Variants in KIF26B observed in about 807,000 individuals in gnomAD.
The protein encoded by KIF26B is kinesin family member 26B.
Under a neutral mutation model 151.2 loss-of-function variants are expected in KIF26B, and 63 were observed. The ratio of observed to expected loss-of-function variants is 0.42; its 90% CI spans 0.34 to 0.51. KIF26B has a LOEUF of 0.51. KIF26B is among the 20% of genes least tolerant of loss of function. The pLI is 0.07. For synonymous variants in KIF26B, 1,357 were observed against 1,262.1 expected (o/e 1.08, Z -1.59); for missense variants, 2,813 against 2,913.6 (o/e 0.97, Z 0.79).
chr1:245,333,383 A>C (rs1672152095), intron 2 of KIF26B, among the ~76,000 whole-genome samples: 1 of 152,234 alleles, frequency 6.6e-6, no homozygotes, highest in African/African-American at 2.4e-5. Flanking sequence ...TAGGTGAGGC[A>C]CCTAGAGCAG....
intron 10 of KIF26B, among the ~76,000 whole-genome samples, chr1:245,681,812 C>CGTTTCTT (rs2044443257): frequency 1.3e-5 from 2 of 152,154 alleles, no homozygotes; most frequent in African/African-American, 4.8e-5. Context: ...TAAAGAAATA[C>CGTTTCTT]CAAATATAAT....
At chr1:245,258,649 A>G (rs1670582592) in intron 2 of KIF26B, among the ~76,000 whole-genome samples, 1 of 152,120 alleles carries the variant, frequency 6.6e-6, no homozygotes, top group African/African-American at 2.4e-5. Context: ...GTCTCATTCC[A>G]AGAGCCTTCT....
chr1:245,326,514 G>A (rs937588217), intron 2 of KIF26B, among the ~76,000 whole-genome samples: 8 of 152,184 alleles, frequency 5.3e-5, no homozygotes, highest in Non-Finnish European at 8.8e-5. Context: ...CCAGGCAAAG[G>A]TTCCGGACCA....
intron 2 of KIF26B, among the ~76,000 whole-genome samples, chr1:245,164,498 T>C (rs1181306436): frequency 1.3e-5 from 2 of 152,232 alleles, no homozygotes; most frequent in African/African-American, 4.8e-5. Context: ...CACAGTCTAG[T>C]GTCAGAGACA....
intron 2 of KIF26B, among the ~76,000 whole-genome samples, chr1:245,332,358 A>T (rs570678297): frequency 6.6e-6 from 1 of 152,308 alleles, no homozygotes; most frequent in South Asian, 2.1e-4. Context: ...AGAGGTGGGT[A>T]TAGCATTTCA....
chr1:245,159,430 C>A (rs1668499368), intron 2 of KIF26B, among the ~76,000 whole-genome samples: 1 of 152,116 alleles, frequency 6.6e-6, no homozygotes, highest in African/African-American at 2.4e-5. Context: ...TACTTTTTAA[C>A]TTTCCTATTA....
chr1:245,233,605 T>C (rs1261839290), intron 2 of KIF26B, among the ~76,000 whole-genome samples: 1 of 152,118 alleles, frequency 6.6e-6, no homozygotes, highest in Non-Finnish European at 1.5e-5. Flanking sequence ...TAGAACAAGA[T>C]TGATTTGCCA....
chr1:245,685,671 G>A lies in KIF26B; in HGVS notation c.2688G>A (p.Leu896=), dbSNP rs2044502796. The stretch of plus-strand genomic sequence containing the variant: ...ACTTTGTCCCTATCGTGCCAGCCCT[G>A]CAGAAGACCCGGGGCGACAGCCGGC... The part of the protein sequence containing the change: ...PPDFVPIVPA[L]QKTRGDSRPA... Residue 896 remains leucine (L), a synonymous_variant, in exon 12 of 15, where the codon CTG becomes CTA. Coordinates refer to ENST00000407071, the MANE Select transcript of KIF26B (RefSeq NM_018012.4). 2 of 1,613,010 alleles carry A rather than the reference G, an allele frequency of 1.2e-6. No individual in the cohort carries two copies. Among genetic ancestry groups the A allele is most frequent in the Non-Finnish European group, 1.7e-6 (2 of 1,179,816 alleles).
Position 245,462,647 on chromosome 1 carries a change from A to C in KIF26B, c.1166+42902A>C, listed in dbSNP as rs375415566. On this transcript the variant is annotated intron_variant, in intron 4 of 14. Transcript: ENST00000407071. ...AGCCACCCTGTATCAGGTACTCCCA[A>C]GTGTCCGTTCCCCTGTTACTGAGCA... 5.9e-4 allele frequency among the ~76,000 whole-genome samples: 90 copies of C among 152,302 alleles called. 1 individual carries two copies. Among genetic ancestry groups the C allele is most frequent in the African/African-American group, 2.0e-3 (84 of 41,572 alleles).
intron 10 of KIF26B, among the ~76,000 whole-genome samples, chr1:245,679,818 CAT>C (rs1010606731): frequency 2.0e-5 from 3 of 152,090 alleles, no homozygotes; most frequent in Admixed American, 6.5e-5. Context: ...GGGAGTGAAA[CAT>C]GTATGCGTAA....
chr1:245,361,248 C>T (rs898197046), intron 2 of KIF26B, among the ~76,000 whole-genome samples: 9 of 152,306 alleles, frequency 5.9e-5, no homozygotes, highest in Admixed American at 3.9e-4. Flanking sequence ...ATCGTTCAAA[C>T]GGAAGTCATT....
Position 245,239,726 on chromosome 1 carries a change from A to G in KIF26B, c.465+83043A>G, listed in dbSNP as rs1314533644. On this transcript the variant is annotated intron_variant, in intron 2 of 14. Coordinates refer to ENST00000407071, the MANE Select transcript of KIF26B (RefSeq NM_018012.4). The surrounding 1 kb of genome is among the most constrained non-coding windows in gnomAD (Gnocchi z 4.3). ...CACTATGTTGGCCAGGCTGGTCTCA[A>G]ACTCCTGACCTCAGGTGATCTGGCC... Among the ~76,000 whole-genome samples, 1 of 151,950 alleles carries G rather than the reference A, an allele frequency of 6.6e-6. No individual in the cohort carries two copies. The highest frequency in any genetic ancestry group is 1.5e-5 in the Non-Finnish European group (1 of 67,974).
chr1:245,516,160 G>A lies in KIF26B; in HGVS notation c.1167-24607G>A, dbSNP rs10924225. On this transcript the variant is annotated intron_variant, in intron 4 of 14. Transcript: ENST00000407071. The surrounding 1 kb of genome is among the most constrained non-coding windows in gnomAD (Gnocchi z 4.2). The stretch of plus-strand genomic sequence containing the variant: ...CGTATTGCTCTCTCTTTCTGAACCC[G>A]GACTTGCAGGCCATATCTGGATTTA... Among the ~76,000 whole-genome samples, 37,313 of 152,002 alleles carry A rather than the reference G, an allele frequency of 0.25. 5,610 individuals are homozygous for A. Among genetic ancestry groups the A allele is most frequent in the East Asian group, 0.49 (2,534 of 5,156 alleles).
At chr1:245,574,974 C>T (rs2043103520) in intron 5 of KIF26B, among the ~76,000 whole-genome samples, 1 of 149,990 alleles carries the variant, frequency 6.7e-6, no homozygotes, top group Non-Finnish European at 1.5e-5. Context: ...ACGCCATTCT[C>T]CTGCCTCAGC....
chr1:245,611,861 T>C lies in KIF26B; in HGVS notation c.1983T>C (p.Ile661=). 6.2e-7 allele frequency: 1 copy of C among 1,613,768 alleles called. No individual in the cohort carries two copies. Among genetic ancestry groups the C allele is most frequent in the Non-Finnish European group, 8.5e-7 (1 of 1,179,876 alleles). Residue 661 remains isoleucine, a synonymous_variant, in exon 9 of 15, where the codon ATT becomes ATC. Coordinates refer to ENST00000407071, the MANE Select transcript of KIF26B (RefSeq NM_018012.4). ...CTGCCTTTTTCCTGGATGCCGCCATTGCCTCCCGCAGGAGCCACCAACAGG... is the reference window on the plus strand; with the variant it reads ...CTGCCTTTTTCCTGGATGCCGCCATCGCCTCCCGCAGGAGCCACCAACAGG... The part of the protein sequence containing the change: ...EKAAFFLDAA[I]ASRRSHQQDC...
rs746006255 is a variant in KIF26B at position 245,481,543 on chromosome 1, CAG to C, written c.1167-59218_1167-59217del. Among the ~76,000 whole-genome samples the C allele has an allele frequency of 2.0e-5, 3 of 151,872 alleles. 1 individual carries two copies. Among genetic ancestry groups the C allele is most frequent in the Non-Finnish European group, 4.4e-5 (3 of 67,844 alleles). On this transcript the variant is annotated intron_variant, in intron 4 of 14. Transcript: ENST00000407071. ...ACTGAGTGCTCAGGTCTGCAGACTG[CAG>C]AGAGATGTAATGCTTATTCCTGTTC...
At chr1:245,630,172 G>A (rs556105479) in intron 9 of KIF26B, among the ~76,000 whole-genome samples, 2 of 151,668 alleles carry the variant, frequency 1.3e-5, no homozygotes, top group East Asian at 3.9e-4. Context: ...AAGACAGTGT[G>A]GTGATTCTTC....
intron 10 of KIF26B, among the ~76,000 whole-genome samples, chr1:245,657,829 T>G (rs191818945): frequency 1.3e-5 from 2 of 152,336 alleles, no homozygotes; most frequent in Non-Finnish European, 2.9e-5. Context: ...GTCTTTGACA[T>G]GTTTTGATTG....
At chr1:245,168,169 C>G (rs1181254141) in intron 2 of KIF26B, among the ~76,000 whole-genome samples, 2 of 152,202 alleles carry the variant, frequency 1.3e-5, no homozygotes, top group Admixed American at 1.3e-4. Context: ...CTCCGTGAAC[C>G]CAGATTCCAC....
Sources: allele counts gnomAD v4.1 joint callset (sites outside exome capture counted in the v4.1 genomes callset), GRCh38; gene constraint gnomAD v4.1.1; non-coding constraint Gnocchi (gnomAD v3.1); transcripts MANE v1.5; gene names NCBI Gene and HGNC (gene_info 2026-07-23, HGNC 2026-07-21).